The following ADPRHL1 variants were observed in gnomAD, a reference collection of about 807,000 sequenced individuals.
The protein encoded by ADPRHL1 is ADP-ribosylhydrolase like 1, also known as inactive ADP-ribosyltransferase ARH2.
In ADPRHL1, 43 loss-of-function variants were observed where a neutral mutation model predicts 44.1. That is an observed-to-expected ratio of 0.98 (90% CI 0.76 to 1.26). The LOEUF (loss-of-function observed/expected upper bound fraction) is 1.26, where lower values mean the gene tolerates loss of function less well. Ranked by LOEUF, ADPRHL1 falls within the 50% of genes most tolerant of loss-of-function variation. The pLI, the probability that ADPRHL1 is intolerant of heterozygous loss-of-function variation, is 0.00. For synonymous variants in ADPRHL1, 878 were observed against 1,017.4 expected, an observed-to-expected ratio of 0.86 and a Z score of 2.61; for missense variants, 2,022 against 2,496.9, an observed-to-expected ratio of 0.81 and a Z score of 4.05.
At chr13:113,444,402 G>A (rs776312100) in intron 2 of ADPRHL1, 23 bp downstream of exon 2, 20 of 1,610,126 alleles carry the variant, frequency 1.2e-5, no homozygotes, top group South Asian at 2.2e-5. Flanking sequence ...GGCTTTAGGG[G>A]GAGAGGAGAG....
chr13:113,447,364 T>C (rs546026482), intron 1 of ADPRHL1, among the ~76,000 whole-genome samples: 102 of 123,148 alleles, frequency 8.3e-4, no homozygotes, highest in Non-Finnish European at 6.5e-4. Flanking sequence ...GTTGTGTGTG[T>C]ATGGCGTCTA....
Position 113,403,543 on chromosome 13 carries a change from C to G in ADPRHL1, c.5739G>C (p.Glu1913Asp). The G allele has an allele frequency of 8.1e-7, 1 of 1,231,978 alleles. No homozygotes were observed. The highest frequency in any genetic ancestry group is 1.5e-5 in the African/African-American group (1 of 64,518). The allele number at this position is 1,231,978 out of a possible 1,614,324, so 76.3% of individuals were successfully genotyped here. A position where few individuals can be genotyped will look rare whatever the true frequency, so the allele number is the denominator to read the frequency against. The change falls in exon 8 of 8, where the codon GAG becomes GAC. Residue 1913 changes from glutamate (E) to aspartate (D), a missense_variant. Coordinates refer to ENST00000612156, the MANE Select transcript of ADPRHL1 (RefSeq NM_001394807.1). ...CCTCCATCCTGTCCTGCAGGGCCCT[C>G]TCAGCCCCAGGGTGGTCTGGGGACC... ...QEGSPDHPGA[E>D]RALQDRMEAS...
In ADPRHL1 at chr13:113,405,028, C is replaced by G; in HGVS notation, c.4254G>C (p.Trp1418Cys). 8.1e-7 allele frequency: 1 copy of G among 1,232,858 alleles called. No individual in the cohort carries two copies. The highest frequency in any genetic ancestry group is 1.0e-6 in the Non-Finnish European group (1 of 988,726). 76.4% of individuals were successfully genotyped at this position (1,232,858 alleles called of 1,614,324 possible). The change falls in exon 8 of 8, where the codon TGG (tryptophan) becomes TGC (cysteine). Residue 1418 changes from tryptophan to cysteine, a missense_variant. Around this residue, in one of 8 missense-constraint regions of ADPRHL1, gnomAD observed 1,221 missense variants for 1,517.8 expected, o/e 0.80. Transcript: ENST00000612156. ...CTTTGTCCCCGGCCAGATCCTGTGC[C>G]CACCATGTCTGAGGCTCTTTTGCTG... ...LNPAKEPQTWWAQDLAGDKGM... is the reference protein window; with the variant it reads ...LNPAKEPQTWCAQDLAGDKGM...
Position 113,404,799 on chromosome 13 carries a change from A to G in ADPRHL1, c.4483T>C (p.Trp1495Arg). 1 of 1,252,556 alleles carries G rather than the reference A, an allele frequency of 8.0e-7. No homozygotes were observed. The highest frequency in any genetic ancestry group is 1.0e-6 in the Non-Finnish European group (1 of 1,001,610). The allele number at this position is 1,252,556 out of a possible 1,614,324, so 77.6% of individuals were successfully genotyped here. Residue 1495 changes from tryptophan (W) to arginine (R), a missense_variant, in exon 8 of 8, where the codon TGG becomes CGG. Coordinates refer to ENST00000612156, the MANE Select transcript of ADPRHL1 (RefSeq NM_001394807.1). ...TGTCCCTGAACCTGTCCCCGGTCCC[A>G]TTCCTGAACCTGTTTCTGGGCCTGT... ...QGQAQKQVQEWDRGQVQGHAQ... is the reference protein window; with the variant it reads ...QGQAQKQVQERDRGQVQGHAQ...
At position 113,399,754 on chromosome 13, in the gene ADPRHL1, A is replaced by G. The variant is rs2043742418; in HGVS notation, c.*3624T>C. On this transcript the variant is annotated 3_prime_UTR_variant, in exon 8 of 8. Coordinates refer to ENST00000612156, the MANE Select transcript of ADPRHL1 (RefSeq NM_001394807.1). The stretch of plus-strand genomic sequence containing the variant: ...GGGTTGTTTATATACAAAGAAGAAT[A>G]TGAACAAGAACAAATTTAATAAATA... 1 of 152,114 alleles carries G rather than the reference A, an allele frequency of 6.6e-6. No individual in the cohort carries two copies. The highest frequency in any genetic ancestry group is 6.6e-5 in the Admixed American group (1 of 15,262). 9.4% of individuals were successfully genotyped at this position (152,114 alleles called of 1,614,324 possible). A position where few individuals can be genotyped will look rare whatever the true frequency, so the allele number is the denominator to read the frequency against.
chr13:113,450,000 T>A (rs1279682379), intron 1 of ADPRHL1, among the ~76,000 whole-genome samples: 2 of 152,074 alleles, frequency 1.3e-5, no homozygotes, highest in Non-Finnish European at 2.9e-5. Context: ...GCCTCCACGG[T>A]GATGTGAGGA....
chr13:113,435,152 A>ATG (rs2044041638), intron 2 of ADPRHL1, among the ~76,000 whole-genome samples: 1 of 49,102 alleles, frequency 2.0e-5, no homozygotes, highest in South Asian at 1.0e-3. Flanking sequence ...GCACCCACGC[A>ATG]TAGAGTGAAC....
Position 113,453,427 on chromosome 13 carries a change from A to G in ADPRHL1, c.11T>C (p.Phe4Ser), listed in dbSNP as rs767488573. ...GCTCCCCAGCAACATCGCAGCCTTA[A>G]ATTTCTCCATCCCAGGAGGCAGCTC... is the stretch of plus-strand genomic sequence containing the variant. MEK[F>S]KAAMLLGSVG... The change falls in exon 1 of 8, where the codon TTT (phenylalanine) becomes TCT (serine). Residue 4 changes from phenylalanine (F) to serine (S), a missense_variant. Physicochemically the swap from Phe to Ser is radical, Grantham distance 155. Around this residue, in one of 8 missense-constraint regions of ADPRHL1, gnomAD observed 437 missense variants for 430.7 expected, o/e 1.01. Coordinates refer to ENST00000612156, the MANE Select transcript of ADPRHL1 (RefSeq NM_001394807.1). This position sits in a 1 kb window ranked among gnomAD's most constrained non-coding sequence, Gnocchi z 5.4. The G allele has an allele frequency of 6.2e-7, 1 of 1,613,832 alleles. No individual in the cohort carries two copies. Among genetic ancestry groups the G allele is most frequent in the East Asian group, 2.2e-5 (1 of 44,880 alleles).
intron 1 of ADPRHL1, among the ~76,000 whole-genome samples, chr13:113,451,038 C>T (rs983528273): frequency 4.0e-5 from 6 of 151,590 alleles, no homozygotes; most frequent in Non-Finnish European, 7.4e-5. Context: ...CGCCTGGTAA[C>T]GGGCGTCTTC....
In ADPRHL1 at chr13:113,441,260, C is replaced by T. The variant is rs73579425; in HGVS notation, c.379+3165G>A. On this transcript the variant is annotated intron_variant, in intron 2 of 7. Coordinates refer to ENST00000612156, the MANE Select transcript of ADPRHL1 (RefSeq NM_001394807.1). The surrounding 1 kb of genome is among the most constrained non-coding windows in gnomAD (Gnocchi z 6.0). Reference sequence around the variant, plus strand: ...TGTTATTGGGGGTCTTCACACCATTCGCATTTGGCGTCATTATTATTATCT... The same window carrying T: ...TGTTATTGGGGGTCTTCACACCATTTGCATTTGGCGTCATTATTATTATCT... 0.047 allele frequency among the ~76,000 whole-genome samples: 7,185 copies of T among 152,272 alleles called. 301 individuals are homozygous for T. The highest frequency in any genetic ancestry group is 0.11 in the African/African-American group (4,764 of 41,552).
At position 113,433,928 on chromosome 13, in the gene ADPRHL1, C is replaced by T. The variant is rs2044026849; in HGVS notation, c.380-61G>A. The T allele has an allele frequency of 2.0e-6, 3 of 1,467,772 alleles. No individual in the cohort carries two copies. In the South Asian group the frequency reaches 4.1e-5, roughly 20 times the overall value. 90.9% of individuals were successfully genotyped at this position (1,467,772 alleles called of 1,614,324 possible). A position where few individuals can be genotyped will look rare whatever the true frequency, so the allele number is the denominator to read the frequency against. On this transcript the variant is annotated intron_variant, in intron 2 of 7. Transcript: ENST00000612156. ...CTCCAATAATTCCACCCCTGACAATCTAGCTTTCATGAATAATTTTAAAAG... is the reference window on the plus strand; with the variant it reads ...CTCCAATAATTCCACCCCTGACAATTTAGCTTTCATGAATAATTTTAAAAG...
intron 1 of ADPRHL1, among the ~76,000 whole-genome samples, chr13:113,445,977 CAGGATCCTGAG>C (rs2044133904): frequency 6.6e-6 from 1 of 151,172 alleles, no homozygotes; most frequent in African/African-American, 2.4e-5. Context: ...AGAGAGTGCA[CAGGATCCTGAG>C]GCTGCACACC....
At chr13:113,422,802 G>A (rs775913822) in intron 7 of ADPRHL1, 24 bp downstream of exon 7, 2 of 1,612,512 alleles carry the variant, frequency 1.2e-6, no homozygotes, top group African/African-American at 2.7e-5. Context: ...CTCTCTAGGG[G>A]GAAAGTGGCA....
At chr13:113,413,272 T>C (rs886827229) in intron 7 of ADPRHL1, among the ~76,000 whole-genome samples, 1 of 152,216 alleles carries the variant, frequency 6.6e-6, no homozygotes, top group African/African-American at 2.4e-5. Flanking sequence ...AACCTCGCTG[T>C]GCCCTTCAGC....
At position 113,441,591 on chromosome 13, in the gene ADPRHL1, C is replaced by G. The variant is rs1035890026; in HGVS notation, c.379+2834G>C. On this transcript the variant is annotated intron_variant, in intron 2 of 7. Transcript: ENST00000612156. This position sits in a 1 kb window ranked among gnomAD's most constrained non-coding sequence, Gnocchi z 6.0. ...TTCTACTTATATTTTATAAACCATACCGTTCATTATTATTTTTAAGTCAAT... is the reference window on the plus strand; with the variant it reads ...TTCTACTTATATTTTATAAACCATAGCGTTCATTATTATTTTTAAGTCAAT... Among the ~76,000 whole-genome samples the G allele has an allele frequency of 6.6e-6, 1 of 152,118 alleles. No homozygotes were observed. The highest frequency in any genetic ancestry group is 1.5e-5 in the Non-Finnish European group (1 of 68,036).
Position 113,406,797 on chromosome 13 carries a change from G to A in ADPRHL1, c.2485C>T (p.Gln829Ter). The change falls in exon 8 of 8, where the codon CAG (glutamine) becomes TAG (stop). Residue 829 changes from glutamine to a stop codon, truncating the protein, a stop_gained. Transcript: ENST00000612156. LOFTEE classifies it low-confidence loss of function (END_TRUNC). ...GCAGGCTGTGTTCTCCGAGCAGCCT[G>A]GACCGATGGAGCGTTCAGGGGTGGG... Reference protein sequence around the residue: ...HIPPLNAPSVQAARRTQPATE... With the variant: ...HIPPLNAPSV 5 of 1,232,070 alleles carry A rather than the reference G, an allele frequency of 4.1e-6. No homozygotes were observed. The highest frequency in any genetic ancestry group is 5.1e-6 in the Non-Finnish European group (5 of 988,004). The allele number at this position is 1,232,070 out of a possible 1,614,324, so 76.3% of individuals were successfully genotyped here.
chr13:113,428,917 T>C (rs1248887634), intron 4 of ADPRHL1, 35 bp downstream of exon 4: 1 of 1,610,368 alleles, frequency 6.2e-7, no homozygotes, highest in Non-Finnish European at 8.5e-7. Context: ...CCAGATCTGC[T>C]CTGAGTGCGG....
intron 7 of ADPRHL1, chr13:113,410,156 T>C: frequency 1.0e-6 from 1 of 983,856 alleles, no homozygotes; most frequent in Non-Finnish European, 1.2e-6. Context: ...CACGGAGGAG[T>C]GGCAGGGCCG....
At chr13:113,415,068 C>A (rs2043880349) in intron 7 of ADPRHL1, among the ~76,000 whole-genome samples, 1 of 152,146 alleles carries the variant, frequency 6.6e-6, no homozygotes, top group Non-Finnish European at 1.5e-5. Flanking sequence ...GTAGCCAGCG[C>A]CCAGCAACCC....
Sources: gnomAD v4.1 joint callset for allele counts (sites outside exome capture counted in the v4.1 genomes callset) on GRCh38, gnomAD v4.1.1 for gene constraint, gnomAD v4.1.1 regional missense constraint, Gnocchi (gnomAD v3.1) non-coding constraint, MANE v1.5 for transcripts, NCBI Gene and HGNC (gene_info 2026-07-23, HGNC 2026-07-21) for gene names.